FBXO4: variants seen among roughly 807,000 people sequenced by gnomAD.
FBXO4 encodes the protein F-box protein 4, also known as F-box only protein 4.
FBXO4 carries 36 observed loss-of-function variants against 43.7 expected under a neutral mutation model. The observed-to-expected ratio is 0.82, with a 90% confidence interval of 0.63 to 1.09. FBXO4 has a LOEUF of 1.09. Among genes scored for constraint, FBXO4 ranks in the 50% least tolerant of loss-of-function variants. The pLI is 0.00. For missense variants in FBXO4, 435 were observed against 474.1 expected, an observed-to-expected ratio of 0.92 and a Z score of 0.77; for synonymous variants, 180 against 165.6, an observed-to-expected ratio of 1.09 and a Z score of -0.67.
the FBXO4 span, among the ~76,000 whole-genome samples, chr5:42,027,694 C>T: frequency 8.8e-3 from 1,342 of 151,806 alleles, 7 homozygotes; most frequent in Non-Finnish European, 0.014. Flanking sequence ...ACAAACTTCC[C>T]CCATAGTACT....
chr5:41,953,568 C>G, the FBXO4 span, among the ~76,000 whole-genome samples: 1 of 150,618 alleles, frequency 6.6e-6, no homozygotes, highest in Non-Finnish European at 1.5e-5. Flanking sequence ...TGAGGAATCG[C>G]CACACTGACT....
chr5:41,948,370 C>T, the FBXO4 span, among the ~76,000 whole-genome samples: 135 of 152,216 alleles, frequency 8.9e-4, no homozygotes, highest in African/African-American at 3.2e-3. Context: ...CTCCTGACCT[C>T]GTGATCTGCC....
At chr5:42,024,073 C>T in the FBXO4 span, among the ~76,000 whole-genome samples, 6 of 152,100 alleles carry the variant, frequency 3.9e-5, no homozygotes, top group Admixed American at 3.9e-4. Context: ...TCTATTTATC[C>T]TTTATGTCCC....
the FBXO4 span, among the ~76,000 whole-genome samples, chr5:41,987,537 T>C: frequency 6.6e-6 from 1 of 152,182 alleles, no homozygotes; most frequent in African/African-American, 2.4e-5. Flanking sequence ...TGAGGAATAT[T>C]ACTGTAGAGA....
the FBXO4 span, among the ~76,000 whole-genome samples, chr5:41,969,058 G>A: frequency 6.6e-6 from 1 of 152,062 alleles, no homozygotes; most frequent in Non-Finnish European, 1.5e-5. Context: ...TTTGCAAATG[G>A]TTTTGTCCCT....
At chr5:42,004,483 C>T in the FBXO4 span, among the ~76,000 whole-genome samples, 7 of 151,880 alleles carry the variant, frequency 4.6e-5, no homozygotes, top group African/African-American at 1.7e-4. Flanking sequence ...AATACTCAAT[C>T]GATTAATGAA....
chr5:41,931,795 G>C (rs911234473), intron 3 of FBXO4, among the ~76,000 whole-genome samples: 7 of 152,200 alleles, frequency 4.6e-5, no homozygotes, highest in African/African-American at 1.7e-4. Context: ...GAAATGTTCA[G>C]TTTATGTTTG....
chr5:42,032,142 C>T, the FBXO4 span, among the ~76,000 whole-genome samples: 4 of 150,748 alleles, frequency 2.7e-5, no homozygotes, highest in Admixed American at 2.7e-4. Context: ...CACAATCACC[C>T]CTGTGCCCAC....
In FBXO4 at chr5:41,939,535, T is replaced by C. The variant is rs759082408; in HGVS notation, c.993T>C (p.Ile331=). 6.2e-7 allele frequency: 1 copy of C among 1,613,940 alleles called. No individual in the cohort carries two copies. The highest frequency in any genetic ancestry group is 8.5e-7 in the Non-Finnish European group (1 of 1,179,908). ...SGRPLLVLSC[I]SQGDVKRMPC... ...GACCATTGTTGGTTTTATCTTGTAT[T>C]TCTCAAGGGGATGTAAAAAGAATGC... The change falls in exon 6 of 7, where the codon ATT becomes ATC. Residue 331 remains isoleucine (I), a synonymous_variant. Coordinates refer to ENST00000281623, the MANE Select transcript of FBXO4 (RefSeq NM_012176.3).
chr5:41,991,966 T>C, the FBXO4 span, among the ~76,000 whole-genome samples: 1 of 152,124 alleles, frequency 6.6e-6, no homozygotes, highest in African/African-American at 2.4e-5. Flanking sequence ...TAATCCCAGC[T>C]ACTCGGGAGG....
At chr5:41,975,736 T>G in the FBXO4 span, among the ~76,000 whole-genome samples, 1 of 152,192 alleles carries the variant, frequency 6.6e-6, no homozygotes, top group Non-Finnish European at 1.5e-5. Flanking sequence ...AGTTTAGTAG[T>G]GTTACCTACA....
At chr5:42,040,296 A>G in the FBXO4 span, among the ~76,000 whole-genome samples, 1 of 152,164 alleles carries the variant, frequency 6.6e-6, no homozygotes, top group South Asian at 2.1e-4. Flanking sequence ...TATAAGCTTC[A>G]TAAGTGCACC....
At chr5:41,961,160 A>T in the FBXO4 span, among the ~76,000 whole-genome samples, 6 of 152,150 alleles carry the variant, frequency 3.9e-5, no homozygotes, top group Non-Finnish European at 5.9e-5. Flanking sequence ...TCACCTCAAC[A>T]TCCCTGTCTG....
At chr5:42,014,033 C>T in the FBXO4 span, among the ~76,000 whole-genome samples, 8 of 152,152 alleles carry the variant, frequency 5.3e-5, no homozygotes, top group Non-Finnish European at 5.9e-5. Flanking sequence ...GCAAGAAAGG[C>T]GGAAATATCA....
the FBXO4 span, among the ~76,000 whole-genome samples, chr5:41,956,187 C>T: frequency 6.6e-6 from 1 of 152,038 alleles, no homozygotes; most frequent in Non-Finnish European, 1.5e-5. Context: ...AATTATTAGA[C>T]AAGGACTATA....
the FBXO4 span, among the ~76,000 whole-genome samples, chr5:41,960,711 T>G: frequency 6.6e-6 from 1 of 152,186 alleles, no homozygotes; most frequent in Non-Finnish European, 1.5e-5. Context: ...ATTTTTCATT[T>G]CATTCATTGT....
chr5:42,007,459 ATTCT>A, the FBXO4 span, among the ~76,000 whole-genome samples: 31 of 152,188 alleles, frequency 2.0e-4, 1 homozygote, highest in African/African-American at 7.2e-4. Flanking sequence ...AGAAATACAT[ATTCT>A]TTCTATTTCT....
chr5:41,961,806 C>T, the FBXO4 span, among the ~76,000 whole-genome samples: 5 of 152,100 alleles, frequency 3.3e-5, no homozygotes, highest in Admixed American at 6.5e-5. Flanking sequence ...CCTTTTCTGG[C>T]GTTCCTGGAC....
At position 41,941,240 on chromosome 5, in the gene FBXO4, G is replaced by T; in HGVS notation, c.1123G>T (p.Glu375Ter). ...TCTGACTGGTTTTTTGAATGGCATTGAGTGGATTCTTGAAGAAGTGGAATC... is the reference window on the plus strand; with the variant it reads ...TCTGACTGGTTTTTTGAATGGCATTTAGTGGATTCTTGAAGAAGTGGAATC... The part of the protein sequence containing the change: ...ETLTGFLNGI[E>*]WILEEVESKR... The change falls in exon 7 of 7, where the codon GAG becomes TAG. Residue 375 changes from glutamate (E) to a stop codon, truncating the protein, a stop_gained. Coordinates refer to ENST00000281623, the MANE Select transcript of FBXO4 (RefSeq NM_012176.3). LOFTEE classifies it high-confidence loss of function. 6.2e-7 allele frequency: 1 copy of T among 1,613,758 alleles called. No individual in the cohort carries two copies. The highest frequency in any genetic ancestry group is 1.1e-5 in the South Asian group (1 of 91,054).
Sources: gnomAD v4.1 joint callset for allele counts (sites outside exome capture counted in the v4.1 genomes callset) on GRCh38, gnomAD v4.1.1 for gene constraint, MANE v1.5 for transcripts, NCBI Gene and HGNC (gene_info 2026-07-23, HGNC 2026-07-21) for gene names.